Variants in FRMPD3 observed in about 807,000 individuals in gnomAD.
FRMPD3 encodes the protein FERM and PDZ domain containing 3.
Under a neutral mutation model 97.9 loss-of-function variants are expected in FRMPD3, and 42 were observed. That is an observed-to-expected ratio of 0.43 (90% CI 0.34 to 0.55). The LOEUF (loss-of-function observed/expected upper bound fraction) is 0.55. FRMPD3 is among the 20% of genes least tolerant of loss of function. FRMPD3 has a pLI of 0.03. For missense variants in FRMPD3, 1,303 were observed against 1,457.7 expected (o/e 0.89, Z 1.73); for synonymous variants, 577 against 581.1 (o/e 0.99, Z 0.10).
At chrX:107,582,469 A>C (rs1255734603) in intron 13 of FRMPD3, among the ~76,000 whole-genome samples, 6 of 112,133 alleles carry the variant, frequency 5.4e-5, no homozygotes, top group Non-Finnish European at 1.9e-5. Flanking sequence ...TATAGGCGTG[A>C]GCCACCACAC....
chrX:107,459,269 A>G (rs1931425728), intron 1 of FRMPD3, among the ~76,000 whole-genome samples: 1 of 112,437 alleles, frequency 8.9e-6, no homozygotes, highest in Non-Finnish European at 1.9e-5. Context: ...AAGGCTTCTG[A>G]GAGCTGGTAA....
intron 1 of FRMPD3, among the ~76,000 whole-genome samples, chrX:107,475,563 G>A (rs894540889): frequency 6.2e-5 from 7 of 112,362 alleles, no homozygotes; most frequent in Admixed American, 2.8e-4. Context: ...ACAGCTTTCC[G>A]GTGAATCAGG....
At chrX:107,578,415 A>G (rs1438717479) in intron 13 of FRMPD3, among the ~76,000 whole-genome samples, 2 of 112,030 alleles carry the variant, frequency 1.8e-5, no homozygotes, top group African/African-American at 6.5e-5. Context: ...CCAACATGCC[A>G]TGTTGCTTTT....
chrX:107,530,537 T>C (rs1922899542), intron 3 of FRMPD3, 26 bp downstream of exon 3: 1 of 1,045,120 alleles, frequency 9.6e-7, no homozygotes, highest in Non-Finnish European at 1.3e-6. Flanking sequence ...TGGCAGGAAC[T>C]GATCAGTATC....
chrX:107,485,225 T>C (rs761128953), intron 1 of FRMPD3, among the ~76,000 whole-genome samples: 1 of 112,789 alleles, frequency 8.9e-6, no homozygotes, highest in East Asian at 2.8e-4. Context: ...TTCTTGTGCA[T>C]GGAGCTTGGG....
chrX:107,574,773 A>G (rs1208105008), intron 12 of FRMPD3, among the ~76,000 whole-genome samples: 1 of 111,926 alleles, frequency 8.9e-6, no homozygotes, highest in Non-Finnish European at 1.9e-5. Context: ...GGAGGCCCTA[A>G]CCACCTCTCT....
At chrX:107,451,360 C>A (rs753580566) in intron 1 of FRMPD3, among the ~76,000 whole-genome samples, 2 of 112,421 alleles carry the variant, frequency 1.8e-5, no homozygotes, top group East Asian at 5.6e-4. Context: ...GAGCGAAGCA[C>A]CAAGTGAGTT....
intron 8 of FRMPD3, among the ~76,000 whole-genome samples, chrX:107,558,293 T>G (rs1922197801): frequency 9.0e-6 from 1 of 111,200 alleles, no homozygotes; most frequent in African/African-American, 3.3e-5. Flanking sequence ...ATGATTTTGA[T>G]TTTAATTCCA....
At chrX:107,522,181 C>T (rs996062678) in intron 1 of FRMPD3, among the ~76,000 whole-genome samples, 1 of 111,202 alleles carries the variant, frequency 9.0e-6, no homozygotes, top group Non-Finnish European at 1.9e-5. Flanking sequence ...GGTAGGGCTT[C>T]GGCTGTGTGA....
At chrX:107,545,938 C>T (rs913442054) in intron 5 of FRMPD3, 97 bp downstream of exon 5, 10 of 664,799 alleles carry the variant, frequency 1.5e-5, no homozygotes, top group Admixed American at 2.7e-5. Context: ...GACAGCTTTC[C>T]GAATGGGTTA....
intron 1 of FRMPD3, among the ~76,000 whole-genome samples, 57 bp downstream of exon 1, chrX:107,450,062 T>G (rs1602747796): frequency 9.5e-6 from 1 of 104,968 alleles, no homozygotes; most frequent in Admixed American, 9.8e-5. Context: ...CAACCGGGGG[T>G]GGGTCGCGGC....
At chrX:107,478,470 C>T (rs1338808246) in intron 1 of FRMPD3, among the ~76,000 whole-genome samples, 1 of 111,673 alleles carries the variant, frequency 9.0e-6, no homozygotes, top group Non-Finnish European at 1.9e-5. Flanking sequence ...TTAGTTGTCT[C>T]CTCAGAGAGT....
intron 5 of FRMPD3, among the ~76,000 whole-genome samples, chrX:107,549,418 G>T (rs942847167): frequency 8.9e-6 from 1 of 111,926 alleles, no homozygotes; most frequent in African/African-American, 3.2e-5. Context: ...TCTCAGGGTC[G>T]GAGATGCTAA....
At chrX:107,577,259 A>G (rs5962854) in intron 13 of FRMPD3, among the ~76,000 whole-genome samples, 13,227 of 105,580 alleles carry the variant, frequency 0.13, 1,861 homozygotes, top group African/African-American at 0.39. Flanking sequence ...TGAGGTGGGC[A>G]GATCACCTGA....
chrX:107,549,289 C>G (rs1921749964), intron 5 of FRMPD3, among the ~76,000 whole-genome samples: 1 of 108,989 alleles, frequency 9.2e-6, no homozygotes, highest in African/African-American at 3.4e-5. Context: ...CACCACTGCA[C>G]TCCCACCTGG....
intron 1 of FRMPD3, among the ~76,000 whole-genome samples, chrX:107,466,877 G>A (rs1424854295): frequency 1.8e-5 from 2 of 111,780 alleles, no homozygotes; most frequent in East Asian, 5.7e-4. Flanking sequence ...AGAAAGGACT[G>A]ACTCTAACAC....
chrX:107,465,627 C>T (rs1931546349), intron 1 of FRMPD3, among the ~76,000 whole-genome samples: 2 of 111,646 alleles, frequency 1.8e-5, no homozygotes, highest in Admixed American at 9.5e-5. Context: ...TGACAACCAC[C>T]TATAATGTGT....
At position 107,554,795 on chromosome X, in the gene FRMPD3, C is replaced by G. The variant is rs188103578; in HGVS notation, c.762+291C>G. 9.0e-4 allele frequency: 252 copies of G among 280,014 alleles called. 5 individuals carry two copies. The Admixed American group carries it at 0.012, about 13-fold the overall frequency. 23.1% of individuals were successfully genotyped at this position (280,014 alleles called of 1,213,427 possible). A position where few individuals can be genotyped will look rare whatever the true frequency, so the allele number is the denominator to read the frequency against. On this transcript the variant is annotated intron_variant, in intron 8 of 14. Coordinates refer to ENST00000683843, the MANE Select transcript of FRMPD3 (RefSeq NM_001388459.1). ...ATCCTCACAGGATCCTAAAGTTTAA[C>G]AAGCCCATTTCGGTTTCAACGGGTC...
chrX:107,489,439 T>C (rs746637840), intron 1 of FRMPD3, among the ~76,000 whole-genome samples: 1 of 111,860 alleles, frequency 8.9e-6, no homozygotes, highest in African/African-American at 3.3e-5. Context: ...TGAAAGAGTT[T>C]ACAGTCCCAC....
Sources: gnomAD v4.1 joint callset for allele counts (sites outside exome capture counted in the v4.1 genomes callset) on GRCh38, gnomAD v4.1.1 for gene constraint, MANE v1.5 for transcripts, NCBI Gene and HGNC (gene_info 2026-07-23, HGNC 2026-07-21) for gene names.